Variants in APBA1 observed in about 807,000 individuals in gnomAD.
APBA1 encodes amyloid-beta A4 precursor protein-binding family A member 1.
A neutral mutation model predicts 86.6 loss-of-function variants in APBA1; 55 were observed. The observed-to-expected ratio is 0.64, with a 90% CI of 0.51 to 0.80. The LOEUF is 0.80. APBA1 is among the 30% of genes least tolerant of loss of function. APBA1 has a pLI of 0.00. For synonymous variants in APBA1, 511 were observed against 493.9 expected, an observed-to-expected ratio of 1.03 and a Z score of -0.46; for missense variants, 1,090 against 1,183.0, an observed-to-expected ratio of 0.92 and a Z score of 1.15.
rs1224422354 is a variant in APBA1 at position 69,466,536 on chromosome 9, C to A, written c.1482+1287G>T. ...TCCCCTGCACTCTGGTGGCACTCGG[C>A]CTCTGACACTGTCCTCTCCTTGGGC... On this transcript the variant is annotated intron_variant, in intron 5 of 12. Transcript: ENST00000265381. Among the ~76,000 whole-genome samples, 4 of 152,254 alleles carry A rather than the reference C, an allele frequency of 2.6e-5. No individual in the cohort carries two copies. The East Asian group carries it at 7.7e-4, about 29-fold the overall frequency.
upstream of APBA1, chr9:69,672,444 G>A (rs1823972833): frequency 6.6e-6 from 1 of 150,686 alleles, no homozygotes; most frequent in African/African-American, 2.4e-5. Flanking sequence ...CGCGCGCTGG[G>A]GCCGGGCGGG....
rs1041862301 is a variant in APBA1, at chr9:69,517,089, G to A, written c.122C>T (p.Pro41Leu). 1.3e-6 allele frequency: 2 copies of A among 1,579,538 alleles called. No individual in the cohort carries two copies. Among genetic ancestry groups the A allele is most frequent in the Non-Finnish European group, 1.7e-6 (2 of 1,167,946 alleles). Residue 41 changes from proline (P) to leucine (L), a missense_variant, in exon 2 of 13, where the codon CCG becomes CTG. This residue lies in a region of APBA1 where 678 missense variants were observed against 647.1 expected (regional missense o/e 1.05). Transcript: ENST00000265381. Reference sequence around the variant, plus strand: ...GCCCACATAGTGCTGCTGCTGCGGCGGCTGCTGCTGTTCCTCTTCCACCTC... The same window carrying A: ...GCCCACATAGTGCTGCTGCTGCGGCAGCTGCTGCTGTTCCTCTTCCACCTC... Reference protein sequence around the residue: ...HPEVEEEQQQPPQQQHYVGRH... With the variant: ...HPEVEEEQQQLPQQQHYVGRH...
intron 1 of APBA1, among the ~76,000 whole-genome samples, chr9:69,624,063 C>T (rs1212201892): frequency 6.6e-6 from 1 of 152,094 alleles, no homozygotes; most frequent in Non-Finnish European, 1.5e-5. Context: ...AACATGCTGG[C>T]AAATTGCTTC....
At chr9:69,464,059 T>C (rs959709758) in intron 5 of APBA1, 4 of 152,616 alleles carry the variant, frequency 2.6e-5, no homozygotes, top group African/African-American at 9.6e-5. Context: ...CAAGCACATG[T>C]GGGCACCTGG....
In APBA1 at chr9:69,456,200, G is replaced by A. The variant is rs201117945; in HGVS notation, c.1788+47C>T. 1.2e-4 allele frequency: 184 copies of A among 1,596,324 alleles called. No homozygotes were observed. In the African/African-American group the frequency reaches 1.9e-3, roughly 16 times the overall value. ...ATTAGACTGAATCAGGTTCTGAGAA[G>A]TCAAGAGAACCTAACCCAAAAGGAG... On this transcript the variant is annotated intron_variant, in intron 8 of 12. Coordinates refer to ENST00000265381, the MANE Select transcript of APBA1 (RefSeq NM_001163.4).
chr9:69,449,439 G>A, intron 10 of APBA1, 145 bp downstream of exon 10: 2 of 733,880 alleles, frequency 2.7e-6, no homozygotes, highest in African/African-American at 1.7e-5. Flanking sequence ...AGCTTCCTGA[G>A]TGCAAGTCCA....
chr9:69,592,140 T>C (rs1014878075), intron 1 of APBA1, among the ~76,000 whole-genome samples: 3 of 152,242 alleles, frequency 2.0e-5, no homozygotes, highest in African/African-American at 7.2e-5. Context: ...TTTCTACAGA[T>C]ACATTCATCA....
At chr9:69,451,491 C>T (rs1178079188) in intron 9 of APBA1, among the ~76,000 whole-genome samples, 1 of 152,212 alleles carries the variant, frequency 6.6e-6, no homozygotes, top group Non-Finnish European at 1.5e-5. Context: ...TATCTCCTTT[C>T]CTGTGCCTAC....
intron 2 of APBA1, among the ~76,000 whole-genome samples, chr9:69,488,016 A>T (rs1835639403): frequency 1.3e-5 from 2 of 152,160 alleles, no homozygotes; most frequent in Non-Finnish European, 2.9e-5. Flanking sequence ...GATGGATAGT[A>T]GAACTGCATA....
chr9:69,569,448 A>AGTGTGTGTGT (rs71507121), intron 1 of APBA1, among the ~76,000 whole-genome samples: 2 of 144,962 alleles, frequency 1.4e-5, no homozygotes, highest in African/African-American at 5.1e-5. Flanking sequence ...GTCACGTGTG[A>AGTGTGTGTGT]GTGTGTGTGT....
intron 1 of APBA1, among the ~76,000 whole-genome samples, chr9:69,586,818 A>C (rs1168175043): frequency 6.6e-6 from 1 of 152,184 alleles, no homozygotes; most frequent in African/African-American, 2.4e-5. Context: ...ATTACAACTA[A>C]CAACCCCAAA....
intron 11 of APBA1, among the ~76,000 whole-genome samples, chr9:69,437,299 G>A (rs1267009311): frequency 6.6e-6 from 1 of 151,422 alleles, no homozygotes; most frequent in Non-Finnish European, 1.5e-5. Context: ...CATAAAATGA[G>A]TTAGGGAGGA....
intron 1 of APBA1, among the ~76,000 whole-genome samples, chr9:69,650,794 C>G (rs1470102529): frequency 1.3e-5 from 2 of 152,154 alleles, no homozygotes; most frequent in African/African-American, 4.8e-5. Context: ...TACATCTATC[C>G]TTGAATTGTG....
chr9:69,574,979 A>T (rs1001319182), intron 1 of APBA1, among the ~76,000 whole-genome samples: 9 of 152,078 alleles, frequency 5.9e-5, no homozygotes, highest in African/African-American at 2.2e-4. Flanking sequence ...CAGTGGTGCA[A>T]TCTCAGCTCA....
rs78225245 is a variant in APBA1, at chr9:69,427,931, G to T, written c.*3396C>A. The stretch of plus-strand genomic sequence containing the variant: ...GTTCATACTCTAGGTGCTGTGCTAA[G>T]TATGTACAAGAAATGTCATTCCCAC... On this transcript the variant is annotated 3_prime_UTR_variant, in exon 13 of 13. Transcript: ENST00000265381. 0.093 allele frequency: 14,124 copies of T among 152,208 alleles called. 701 individuals carry two copies. The highest frequency in any genetic ancestry group is 0.12 in the Non-Finnish European group (7,839 of 68,010). The allele number at this position is 152,208 out of a possible 1,614,324, so 9.4% of individuals were successfully genotyped here.
chr9:69,539,990 T>G (rs1056377142), intron 1 of APBA1, among the ~76,000 whole-genome samples: 1 of 151,972 alleles, frequency 6.6e-6, no homozygotes, highest in Non-Finnish European at 1.5e-5. Flanking sequence ...CATGGTGGTG[T>G]GTGCCTGTAA....
At chr9:69,465,649 T>TA (rs1835265906) in intron 5 of APBA1, 1 of 152,268 alleles carries the variant, frequency 6.6e-6, no homozygotes. Flanking sequence ...GGTGATGTTC[T>TA]ATCCGTAGCA....
intron 2 of APBA1, among the ~76,000 whole-genome samples, chr9:69,501,629 AACACACACACACACACACACACACACAC>A (rs57033911): frequency 4.9e-5 from 7 of 142,084 alleles, no homozygotes; most frequent in African/African-American, 1.6e-4. Context: ...GTCTCTACAA[AACACACACACACACACACACACACACAC>A]ACACACACAC....
chr9:69,637,094 C>T (rs75753563), intron 1 of APBA1, among the ~76,000 whole-genome samples: 5,035 of 152,020 alleles, frequency 0.033, 278 homozygotes, highest in African/African-American at 0.11. Context: ...GAGGTATTTA[C>T]GTTAAGTGAA....
Sources: gnomAD v4.1 joint callset for allele counts (sites outside exome capture counted in the v4.1 genomes callset) on GRCh38, gnomAD v4.1.1 for gene constraint, gnomAD v4.1.1 regional missense constraint, MANE v1.5 for transcripts, NCBI Gene and HGNC (gene_info 2026-07-23, HGNC 2026-07-21) for gene names.